Variants in ADGRG4 observed in about 807,000 individuals in gnomAD.
The protein encoded by ADGRG4 is adhesion G protein-coupled receptor G4.
In ADGRG4, 122 loss-of-function variants were observed where a neutral mutation model predicts 126.2. The ratio of observed to expected loss-of-function variants is 0.97; its 90% CI spans 0.83 to 1.12. The LOEUF is 1.12. ADGRG4 is among the 50% of genes most tolerant of loss of function. ADGRG4 has a pLI of 0.00. For synonymous variants in ADGRG4, 943 were observed against 838.7 expected, an observed-to-expected ratio of 1.12 and a Z score of -2.15; for missense variants, 2,481 against 2,251.8, an observed-to-expected ratio of 1.10 and a Z score of -2.06.
intron 15 of ADGRG4, among the ~76,000 whole-genome samples, chrX:136,373,807 A>T (rs1569331219): frequency 9.0e-6 from 1 of 110,508 alleles, no homozygotes; most frequent in Non-Finnish European, 1.9e-5. Context: ...TCCACAAAAA[A>T]ATTAAAAAAT....
In ADGRG4 at chrX:136,397,876, C is replaced by T; in HGVS notation, c.8185-5C>T. ...GTGTAAAACACAACACATTGTGTTC[C>T]TTAGGATTTATCCAGGTCTACAGTG... On this transcript the variant is annotated splice_region_variant and splice_polypyrimidine_tract_variant and intron_variant, in intron 19 of 25. Transcript: ENST00000394143. 4 of 1,206,972 alleles carry T rather than the reference C, an allele frequency of 3.3e-6. No homozygotes were observed. Among genetic ancestry groups the T allele is most frequent in the Non-Finnish European group, 4.5e-6 (4 of 892,061 alleles).
chrX:136,410,295 C>T (rs2075438634), intron 23 of ADGRG4, among the ~76,000 whole-genome samples: 1 of 111,306 alleles, frequency 9.0e-6, no homozygotes, highest in African/African-American at 3.3e-5. Flanking sequence ...CTTTTTTTCA[C>T]TATCCTTCTT....
Position 136,345,405 on chromosome X carries a change from G to A in ADGRG4, c.1699G>A (p.Gly567Arg), listed in dbSNP as rs777557301. The change falls in exon 6 of 26, where the codon GGG (glycine) becomes AGG (arginine). Residue 567 changes from glycine (G) to arginine (R), a missense_variant. Coordinates refer to ENST00000394143, the MANE Select transcript of ADGRG4 (RefSeq NM_153834.4). The stretch of plus-strand genomic sequence containing the variant: ...TTTCTTAACATCCTTTTCATTTACT[G>A]GGACTGAGAGTGTACAGACAGTTAT... ...FSFLTSFSFT[G>R]TESVQTVIDA... The A allele has an allele frequency of 2.0e-5, 24 of 1,207,038 alleles. No individual in the cohort carries two copies. Among genetic ancestry groups the A allele is most frequent in the Non-Finnish European group, 2.7e-5 (24 of 892,846 alleles).
At chrX:136,310,488 G>T (rs1167640637) in intron 4 of ADGRG4, among the ~76,000 whole-genome samples, 3 of 111,172 alleles carry the variant, frequency 2.7e-5, no homozygotes, top group Non-Finnish European at 5.6e-5. Context: ...TGATTGCCGA[G>T]AAATTCATTA....
chrX:136,363,840 G>A (rs1042676946), intron 13 of ADGRG4, among the ~76,000 whole-genome samples: 7 of 111,003 alleles, frequency 6.3e-5, no homozygotes, highest in African/African-American at 2.0e-4. Context: ...ATGGAGTTTC[G>A]CTCTTGTTGC....
intron 12 of ADGRG4, 21 bp from the exon 13 acceptor site, chrX:136,363,456 G>A: frequency 9.8e-7 from 1 of 1,021,073 alleles, no homozygotes; most frequent in Non-Finnish European, 1.4e-6. Flanking sequence ...TGATGAGAAA[G>A]CTCTTTCCTC....
At chrX:136,371,770 T>C (rs2075196114) in intron 14 of ADGRG4, among the ~76,000 whole-genome samples, 1 of 111,505 alleles carries the variant, frequency 9.0e-6, no homozygotes, top group African/African-American at 3.3e-5. Context: ...GTATTAGGCA[T>C]TATAAGTAAT....
chrX:136,376,720 A>G (rs75429913), intron 15 of ADGRG4, among the ~76,000 whole-genome samples: 1 of 109,900 alleles, frequency 9.1e-6, no homozygotes, highest in South Asian at 3.9e-4. Context: ...TGTTGTAAAA[A>G]GATTGAGTTT....
At chrX:136,360,267 T>C (rs1235045759) in intron 11 of ADGRG4, among the ~76,000 whole-genome samples, 2 of 111,662 alleles carry the variant, frequency 1.8e-5, no homozygotes, top group Non-Finnish European at 3.8e-5. Context: ...TCTCACAGCA[T>C]TCTCTCAACA....
chrX:136,401,414 C>T (rs1477509073), intron 21 of ADGRG4, among the ~76,000 whole-genome samples: 9 of 111,620 alleles, frequency 8.1e-5, no homozygotes, highest in Non-Finnish European at 1.7e-4. Context: ...CTTTTTTAAA[C>T]CCTTCCTCCA....
intron 20 of ADGRG4, 50 bp downstream of exon 20, chrX:136,398,052 T>C (rs899808103): frequency 9.0e-7 from 1 of 1,111,590 alleles, no homozygotes; most frequent in African/African-American, 1.8e-5. Context: ...GTTTGATGGA[T>C]GCTATTACCA....
intron 24 of ADGRG4, 30 bp downstream of exon 24, chrX:136,412,396 A>C (rs769153984): frequency 2.2e-6 from 2 of 912,158 alleles, no homozygotes; most frequent in Admixed American, 4.4e-5. Context: ...GAAGTTTTGA[A>C]TATTACATGT....
In ADGRG4 at chrX:136,346,350, G is replaced by T; in HGVS notation, c.2644G>T (p.Val882Phe). The T allele has an allele frequency of 8.3e-7, 1 of 1,210,411 alleles. No individual in the cohort carries two copies. Among genetic ancestry groups the T allele is most frequent in the Non-Finnish European group, 1.1e-6 (1 of 894,843 alleles). Residue 882 changes from valine (V) to phenylalanine (F), a missense_variant, in exon 6 of 26, where the codon GTC becomes TTC. Coordinates refer to ENST00000394143, the MANE Select transcript of ADGRG4 (RefSeq NM_153834.4). ...ATCAGCACAAAGGGTGACAGCTTCTGTCACTGTTTCCTCTTTTCCTGATAT... is the reference window on the plus strand; with the variant it reads ...ATCAGCACAAAGGGTGACAGCTTCTTTCACTGTTTCCTCTTTTCCTGATAT... ...DESAQRVTASVTVSSFPDIEK... is the reference protein window; with the variant it reads ...DESAQRVTASFTVSSFPDIEK...
chrX:136,306,714 CTT>C (rs57109734), intron 3 of ADGRG4, among the ~76,000 whole-genome samples: 18 of 97,792 alleles, frequency 1.8e-4, no homozygotes, highest in Admixed American at 2.3e-4. Context: ...TACCTTATTC[CTT>C]TTTTTTTTTT....
intron 5 of ADGRG4, among the ~76,000 whole-genome samples, chrX:136,331,556 G>C (rs757431399): frequency 8.9e-6 from 1 of 112,358 alleles, no homozygotes; most frequent in East Asian, 2.8e-4. Context: ...AAGGGATCTA[G>C]TTTCTCAGCA....
At position 136,414,144 on chromosome X, in the gene ADGRG4, C is replaced by A; in HGVS notation, c.9038-16C>A. 8.6e-7 allele frequency: 1 copy of A among 1,159,025 alleles called. No individual in the cohort carries two copies. The highest frequency in any genetic ancestry group is 1.2e-6 in the Non-Finnish European group (1 of 866,165). ...CATGAGTTTTATATTTTTAACTTTT[C>A]TTGGTATCATTTCAGATGGGAGCAG... is the stretch of plus-strand genomic sequence containing the variant. On this transcript the variant is annotated splice_polypyrimidine_tract_variant and intron_variant, in intron 24 of 25. Coordinates refer to ENST00000394143, the MANE Select transcript of ADGRG4 (RefSeq NM_153834.4).
chrX:136,403,762 G>A (rs2075391341), intron 22 of ADGRG4, among the ~76,000 whole-genome samples: 1 of 112,096 alleles, frequency 8.9e-6, no homozygotes, highest in Non-Finnish European at 1.9e-5. Flanking sequence ...CAACAACAAA[G>A]GTCTTCCCTG....
chrX:136,387,742 T>A lies in ADGRG4; in HGVS notation c.7779T>A (p.Ile2593=), dbSNP rs142392239. ...CATTTTTTGGCTTTTCTTGGCAGAT[T>A]TTCCTAGGCAATGTCCCTGTGGGAG... is the stretch of plus-strand genomic sequence containing the variant. ...HSYEEGTDPE[I]FLGNVPVGGI... Residue 2593 remains isoleucine (I), a splice_region_variant and synonymous_variant, in exon 16 of 26, where the codon ATT becomes ATA. Coordinates refer to ENST00000394143, the MANE Select transcript of ADGRG4 (RefSeq NM_153834.4). 18 of 1,201,522 alleles carry A rather than the reference T, an allele frequency of 1.5e-5. No individual in the cohort carries two copies. In the African/African-American group the frequency reaches 2.3e-4, roughly 15 times the overall value.
rs190730671 is a variant in ADGRG4, at chrX:136,322,876, G to T, written c.169G>T (p.Ala57Ser). 2.0e-5 allele frequency: 24 copies of T among 1,209,875 alleles called. No homozygotes were observed. The African/African-American group carries it at 4.0e-4, about 20-fold the overall frequency. Residue 57 changes from alanine to serine, a missense_variant, in exon 5 of 26, where the codon GCA (alanine) becomes TCA (serine). Transcript: ENST00000394143. ...DTIPELSRFT[A>S]CIDLVFMDDN... ...CATTCCTGAACTCAGCCGATTCACA[G>T]CATGCATTGATCTGGTATTCATGGA...
Sources: gnomAD v4.1 joint callset for allele counts (sites outside exome capture counted in the v4.1 genomes callset) on GRCh38, gnomAD v4.1.1 for gene constraint, MANE v1.5 for transcripts, NCBI Gene and HGNC (gene_info 2026-07-23, HGNC 2026-07-21) for gene names.